Variants in ZNF469 observed in about 807,000 individuals in gnomAD.
ZNF469 encodes zinc finger protein 469.
ZNF469 carries 1 observed loss-of-function variant against 1.0 expected under a neutral mutation model. That is an observed-to-expected ratio of 1.00 (90% CI 0.35 to 4.73). ZNF469 has a LOEUF of 4.73. Ranked by LOEUF, ZNF469 falls within the 30% of genes most tolerant of loss-of-function variation. The pLI, the probability that ZNF469 is intolerant of heterozygous loss-of-function variation, is 0.16. For missense variants in ZNF469, 6,100 were observed against 5,356.3 expected (o/e 1.14, Z -4.33); for synonymous variants, 2,703 against 2,363.4 (o/e 1.14, Z -4.17).
rs1432023172 is a variant in ZNF469 at position 88,427,606 on chromosome 16, A to C, written c.136A>C (p.Lys46Gln). 1.3e-6 allele frequency: 2 copies of C among 1,537,076 alleles called. No individual in the cohort carries two copies. Among genetic ancestry groups the C allele is most frequent in the African/African-American group, 2.7e-5 (2 of 72,972 alleles). Residue 46 changes from lysine (K) to glutamine (Q), a missense_variant, in exon 3 of 3, where the codon AAG (lysine) becomes CAG (glutamine). Coordinates refer to ENST00000565624, the MANE Select transcript of ZNF469 (RefSeq NM_001367624.2). Reference sequence around the variant, plus strand: ...CAACACCCCAGCTACCAGGACCACCAAGGGTGCCAGGGAGGCTGGCGGCCA... The same window carrying C: ...CAACACCCCAGCTACCAGGACCACCCAGGGTGCCAGGGAGGCTGGCGGCCA... The part of the protein sequence containing the change: ...EDNTPATRTT[K>Q]GAREAGGQAQ...
At chr16:88,230,505 C>G in the ZNF469 span, among the ~76,000 whole-genome samples, 1 of 151,434 alleles carries the variant, frequency 6.6e-6, no homozygotes, top group African/African-American at 2.4e-5. Flanking sequence ...AGGAGCGGAA[C>G]GTGGAACGCA....
chr16:88,263,717 G>C, the ZNF469 span, among the ~76,000 whole-genome samples: 6 of 152,130 alleles, frequency 3.9e-5, no homozygotes, highest in Non-Finnish European at 7.4e-5. Context: ...GCAGCAGCAG[G>C]GGCAGATGGA....
Position 88,433,509 on chromosome 16 carries a change from C to T in ZNF469, c.6039C>T (p.Asp2013=), listed in dbSNP as rs756857979. 6.5e-7 allele frequency: 1 copy of T among 1,550,312 alleles called. No homozygotes were observed. The highest frequency in any genetic ancestry group is 1.2e-5 in the South Asian group (1 of 84,064). Residue 2013 remains aspartate, a synonymous_variant, in exon 3 of 3, where the codon GAC becomes GAT. Coordinates refer to ENST00000565624, the MANE Select transcript of ZNF469 (RefSeq NM_001367624.2). ...ACGGGGTGAGCCCAGGGGGCACGGACAACCACGCCTCAGTCAATGCCAGTC... is the reference window on the plus strand; with the variant it reads ...ACGGGGTGAGCCCAGGGGGCACGGATAACCACGCCTCAGTCAATGCCAGTC... ...PENGVSPGGT[D]NHASVNASPK... is the part of the protein sequence containing the mutation.
intron 1 of ZNF469, among the ~76,000 whole-genome samples, chr16:88,391,580 G>A (rs1464875917): frequency 6.6e-6 from 1 of 152,254 alleles, no homozygotes; most frequent in Non-Finnish European, 1.5e-5. Context: ...CAGGCCCAAT[G>A]CCTCGGGATC....
chr16:88,192,849 AATG>A, the ZNF469 span, among the ~76,000 whole-genome samples: 1 of 58,810 alleles, frequency 1.7e-5, no homozygotes, highest in Non-Finnish European at 3.6e-5. Flanking sequence ...CAATGATGAT[AATG>A]ATGGTGATGA....
Position 88,438,477 on chromosome 16 carries a change from C to T in ZNF469, c.11007C>T (p.Ser3669=), listed in dbSNP as rs560637615. The T allele has an allele frequency of 3.8e-5, 59 of 1,550,096 alleles. No homozygotes were observed. Among genetic ancestry groups the T allele is most frequent in the African/African-American group, 6.8e-5 (5 of 73,170 alleles). Residue 3669 remains serine (S), a synonymous_variant, in exon 3 of 3, where the codon AGC becomes AGT. Coordinates refer to ENST00000565624, the MANE Select transcript of ZNF469 (RefSeq NM_001367624.2). The stretch of plus-strand genomic sequence containing the variant: ...CCCGAGGCGCCTTCCACAAGGGCAG[C>T]GCCACCAAGCCTGCGGGCTGCCAGA... ...GGPRGAFHKG[S]ATKPAGCQSS...
the ZNF469 span, among the ~76,000 whole-genome samples, chr16:88,102,785 C>T: frequency 1.3e-5 from 2 of 152,216 alleles, no homozygotes; most frequent in East Asian, 3.9e-4. Flanking sequence ...CACTTGCTAC[C>T]AAGGCGTCCA....
the ZNF469 span, among the ~76,000 whole-genome samples, chr16:88,226,241 C>T: frequency 6.6e-6 from 1 of 152,256 alleles, no homozygotes; most frequent in Non-Finnish European, 1.5e-5. Flanking sequence ...GTTAAGGCTT[C>T]ACCCCCAGCA....
At chr16:88,332,842 T>C in the ZNF469 span, among the ~76,000 whole-genome samples, 2 of 152,194 alleles carry the variant, frequency 1.3e-5, no homozygotes, top group African/African-American at 2.4e-5. Flanking sequence ...TCCTCACCGT[T>C]TCACAGACGA....
intron 1 of ZNF469, among the ~76,000 whole-genome samples, chr16:88,421,921 C>T (rs1464507390): frequency 6.6e-6 from 1 of 152,210 alleles, no homozygotes; most frequent in Non-Finnish European, 1.5e-5. Context: ...GTGCCCAGTG[C>T]CTGACACAGC....
the ZNF469 span, among the ~76,000 whole-genome samples, chr16:88,277,143 A>C: frequency 7.3e-5 from 11 of 151,658 alleles, no homozygotes; most frequent in Non-Finnish European, 1.3e-4. Context: ...AGTACCGTGT[A>C]GATATCAGTG....
At chr16:88,412,085 G>C (rs1428702408) in intron 1 of ZNF469, among the ~76,000 whole-genome samples, 1 of 19,578 alleles carries the variant, frequency 5.1e-5, no homozygotes, top group African/African-American at 2.2e-4. Context: ...GGGGGCGGGG[G>C]GTCCGGAGAG....
chr16:88,113,148 G>T, the ZNF469 span, among the ~76,000 whole-genome samples: 1 of 152,154 alleles, frequency 6.6e-6, no homozygotes, highest in Non-Finnish European at 1.5e-5. Context: ...CTGTGCGTGG[G>T]GGCATTGCTT....
the ZNF469 span, among the ~76,000 whole-genome samples, chr16:88,219,225 A>T: frequency 6.7e-6 from 1 of 150,256 alleles, no homozygotes; most frequent in Non-Finnish European, 1.5e-5. Context: ...TGCCATCCCC[A>T]TCAAGCTACC....
At chr16:88,217,242 G>C in the ZNF469 span, among the ~76,000 whole-genome samples, 2 of 152,032 alleles carry the variant, frequency 1.3e-5, no homozygotes, top group African/African-American at 4.8e-5. Flanking sequence ...GCTAGGATGA[G>C]ACAGTAGTAA....
Position 88,430,639 on chromosome 16 carries a change from C to A in ZNF469, c.3169C>A (p.Gln1057Lys), listed in dbSNP as rs751031024. 2 of 1,498,276 alleles carry A rather than the reference C, an allele frequency of 1.3e-6. No homozygotes were observed. Among genetic ancestry groups the A allele is most frequent in the South Asian group, 1.2e-5 (1 of 80,086 alleles). The allele number at this position is 1,498,276 out of a possible 1,614,324, so 92.8% of individuals were successfully genotyped here. Residue 1057 changes from glutamine to lysine, a missense_variant, in exon 3 of 3, where the codon CAG becomes AAG. Coordinates refer to ENST00000565624, the MANE Select transcript of ZNF469 (RefSeq NM_001367624.2). ...GKELILKIVQ[Q>K]KNRRHRRLGR... ...GGAGCTCATTCTGAAGATCGTGCAG[C>A]AGAAGAACAGGCGCCACCGGCGGCT... is the stretch of plus-strand genomic sequence containing the variant.
the ZNF469 span, among the ~76,000 whole-genome samples, chr16:88,333,986 CTGTG>C: frequency 2.0e-5 from 3 of 147,988 alleles, no homozygotes; most frequent in South Asian, 6.6e-4. Context: ...CTGTGTGTAT[CTGTG>C]TGTGTCTGTG....
upstream of ZNF469, among the ~76,000 whole-genome samples, chr16:88,382,423 TC>T (rs1210459718): frequency 1.3e-5 from 2 of 152,192 alleles, no homozygotes; most frequent in African/African-American, 4.8e-5. Context: ...TCTGGGGCAG[TC>T]CCAGGGCTGG....
rs1410809243 is a variant in ZNF469 at position 88,424,079 on chromosome 16, G to A, written c.-191-728G>A. Among the ~76,000 whole-genome samples the A allele has an allele frequency of 3.3e-5, 5 of 152,356 alleles. No homozygotes were observed. In the East Asian group the frequency reaches 5.8e-4, roughly 18 times the overall value. On this transcript the variant is annotated intron_variant, in intron 1 of 2. Transcript: ENST00000565624. This position sits in a 1 kb window ranked among gnomAD's most constrained non-coding sequence, Gnocchi z 4.3. ...CCTTTGACGCAGCTAGGCCCACAGC[G>A]TTTGGAGCACAGGCTGTCGCCATGT...
Sources: allele counts gnomAD v4.1 joint callset (sites outside exome capture counted in the v4.1 genomes callset), GRCh38; gene constraint gnomAD v4.1.1; non-coding constraint Gnocchi (gnomAD v3.1); transcripts MANE v1.5; gene names NCBI Gene and HGNC (gene_info 2026-07-23, HGNC 2026-07-21).